The following WWOX variants were observed in gnomAD, a reference collection of about 807,000 sequenced individuals.
WWOX encodes WW domain containing oxidoreductase.
In WWOX, 69 loss-of-function variants were observed where a neutral mutation model predicts 46.2. The observed-to-expected ratio is 1.49, with a 90% CI of 1.23 to 1.82. The LOEUF (loss-of-function observed/expected upper bound fraction) is 1.82, where lower values mean the gene tolerates loss of function less well. WWOX is among the 40% of genes most tolerant of loss of function. WWOX has a pLI of 0.00. For missense variants in WWOX, 919 were observed against 542.6 expected (o/e 1.69, Z -6.89); for synonymous variants, 359 against 202.6 (o/e 1.77, Z -6.56).
chr16:78,859,032 ATATATATATATATATATGTATATAT>A (rs2052649168), intron 8 of WWOX, among the ~76,000 whole-genome samples: 1 of 42,738 alleles, frequency 2.3e-5, no homozygotes, highest in African/African-American at 9.8e-5. Context: ...AAAAAAATAT[ATATATATATATATATATGTATATAT>A]ATATATATAT....
chr16:79,197,729 G>C (rs918519994), intron 8 of WWOX, among the ~76,000 whole-genome samples: 10 of 152,092 alleles, frequency 6.6e-5, no homozygotes, highest in Non-Finnish European at 1.2e-4. Flanking sequence ...CCCAATGTTT[G>C]CTACGGATTG....
intron 8 of WWOX, among the ~76,000 whole-genome samples, chr16:79,117,218 C>G (rs555508234): frequency 1.3e-5 from 2 of 152,094 alleles, no homozygotes; most frequent in South Asian, 4.2e-4. Flanking sequence ...ACCGTGTTGC[C>G]CAGGCTGGTC....
intron 8 of WWOX, among the ~76,000 whole-genome samples, chr16:78,881,358 T>A (rs2044339925): frequency 6.6e-6 from 1 of 152,204 alleles, no homozygotes; most frequent in African/African-American, 2.4e-5. Flanking sequence ...CTGAAAAATG[T>A]TAGTCTAATT....
chr16:78,621,105 C>G (rs1250601417), intron 8 of WWOX, among the ~76,000 whole-genome samples: 2 of 152,148 alleles, frequency 1.3e-5, no homozygotes, highest in African/African-American at 2.4e-5. Context: ...CACAGTTTAT[C>G]TTTGAAAATG....
chr16:78,147,345 T>A (rs747258428), intron 4 of WWOX, among the ~76,000 whole-genome samples: 14 of 152,198 alleles, frequency 9.2e-5, no homozygotes, highest in Non-Finnish European at 1.8e-4. Context: ...GAGTCATTGA[T>A]TTTAGGCAAG....
At chr16:78,394,572 C>G (rs941574503) in intron 6 of WWOX, among the ~76,000 whole-genome samples, 5 of 152,162 alleles carry the variant, frequency 3.3e-5, no homozygotes, top group Non-Finnish European at 5.9e-5. Context: ...CATACACTCT[C>G]TTCCCAAAAA....
chr16:78,297,724 G>A (rs940754252), intron 5 of WWOX, among the ~76,000 whole-genome samples: 1 of 152,060 alleles, frequency 6.6e-6, no homozygotes, highest in African/African-American at 2.4e-5. Flanking sequence ...AGCCTATGGA[G>A]ACCTATGCAT....
At chr16:78,979,053 C>A (rs1353737890) in intron 8 of WWOX, among the ~76,000 whole-genome samples, 1 of 151,506 alleles carries the variant, frequency 6.6e-6, no homozygotes, top group South Asian at 2.1e-4. Context: ...ACGGCCAGGT[C>A]TCCTTCGTCC....
At chr16:78,986,728 T>C (rs1201556312) in intron 8 of WWOX, among the ~76,000 whole-genome samples, 1 of 152,228 alleles carries the variant, frequency 6.6e-6, no homozygotes, top group East Asian at 1.9e-4. Context: ...TTGATGCACA[T>C]GTTGAAACAT....
intron 8 of WWOX, among the ~76,000 whole-genome samples, chr16:78,921,234 C>T (rs959774005): frequency 6.6e-6 from 1 of 152,096 alleles, no homozygotes; most frequent in Non-Finnish European, 1.5e-5. Flanking sequence ...AAGACATTAG[C>T]CTCGAAACCG....
chr16:78,983,681 T>C (rs867782818), intron 8 of WWOX, among the ~76,000 whole-genome samples: 8 of 152,254 alleles, frequency 5.3e-5, no homozygotes, highest in African/African-American at 1.9e-4. Context: ...GAAACTAGTC[T>C]TGATCCCTGA....
chr16:78,882,112 C>G (rs1445459682), intron 8 of WWOX, among the ~76,000 whole-genome samples: 1 of 152,046 alleles, frequency 6.6e-6, no homozygotes, highest in Non-Finnish European at 1.5e-5. Context: ...GGTGACAGAG[C>G]AAGAGTCCAT....
At chr16:78,255,910 G>C (rs2038117065) in intron 5 of WWOX, among the ~76,000 whole-genome samples, 3 of 152,070 alleles carry the variant, frequency 2.0e-5, no homozygotes. Context: ...TCAGCACTTT[G>C]AGAGGCTGAG....
At chr16:78,666,362 C>G (rs992357206) in intron 8 of WWOX, among the ~76,000 whole-genome samples, 5 of 152,146 alleles carry the variant, frequency 3.3e-5, no homozygotes, top group Non-Finnish European at 7.3e-5. Flanking sequence ...TAACCTGGCT[C>G]CTTACTGCCA....
chr16:78,728,054 C>CTTT (rs2048877779), intron 8 of WWOX, among the ~76,000 whole-genome samples: 3 of 98,550 alleles, frequency 3.0e-5, no homozygotes, highest in Admixed American at 1.1e-4. Flanking sequence ...CTCCCTCCTT[C>CTTT]CTTTTTTTTT....
intron 8 of WWOX, among the ~76,000 whole-genome samples, chr16:78,656,582 C>T (rs1430862780): frequency 6.6e-6 from 1 of 152,182 alleles, no homozygotes; most frequent in East Asian, 1.9e-4. Context: ...TGAGAACTCA[C>T]TCACTGTCAT....
intron 5 of WWOX, among the ~76,000 whole-genome samples, chr16:78,242,590 G>T (rs1409279391): frequency 1.3e-5 from 2 of 152,104 alleles, no homozygotes; most frequent in Admixed American, 6.5e-5. Flanking sequence ...GTTTGAGGAG[G>T]GTTATTAAAA....
intron 5 of WWOX, among the ~76,000 whole-genome samples, chr16:78,202,812 G>GT (rs34111953): frequency 0.46 from 63,681 of 139,776 alleles, 14,392 homozygotes; most frequent in South Asian, 0.51. Flanking sequence ...TGCCTGGTGG[G>GT]TTTTTTTTTT....
At chr16:78,651,593 G>A (rs1400612500) in intron 8 of WWOX, among the ~76,000 whole-genome samples, 3 of 152,168 alleles carry the variant, frequency 2.0e-5, no homozygotes, top group South Asian at 4.1e-4. Context: ...AGCCGTTCCT[G>A]CTTTTTGCCT....
Sources: gnomAD v4.1 joint callset for allele counts (sites outside exome capture counted in the v4.1 genomes callset) on GRCh38, gnomAD v4.1.1 for gene constraint, MANE v1.5 for transcripts, NCBI Gene and HGNC (gene_info 2026-07-23, HGNC 2026-07-21) for gene names.